PIK3R3: variants seen among roughly 807,000 people sequenced by gnomAD.
PIK3R3 encodes the protein phosphoinositide-3-kinase regulatory subunit 3.
In PIK3R3, 64 loss-of-function variants were observed where a neutral mutation model predicts 62.9. The observed-to-expected ratio is 1.02, with a 90% CI of 0.83 to 1.25. PIK3R3 has a LOEUF of 1.25. PIK3R3 is among the 50% of genes most tolerant of loss of function. The probability of loss-of-function intolerance (pLI) is 0.00; values close to 1 mark genes in which losing one functional copy is unlikely to be tolerated. For missense variants in PIK3R3, 614 were observed against 561.6 expected (o/e 1.09, Z -0.94); for synonymous variants, 165 against 189.0 (o/e 0.87, Z 1.04).
chr1:46,120,929 C>A (rs1654621872), intron 1 of PIK3R3, among the ~76,000 whole-genome samples: 1 of 152,174 alleles, frequency 6.6e-6, no homozygotes, highest in Non-Finnish European at 1.5e-5. Flanking sequence ...TATCCAAAAA[C>A]AGTGGCACAG....
At chr1:46,172,089 C>A in the PIK3R3 span, among the ~76,000 whole-genome samples, 39 of 152,280 alleles carry the variant, frequency 2.6e-4, no homozygotes, top group South Asian at 6.2e-4. Context: ...CTCAGGCCAT[C>A]ATCCTCCTCC....
At chr1:46,126,884 G>A (rs972233528) in intron 1 of PIK3R3, among the ~76,000 whole-genome samples, 6 of 152,028 alleles carry the variant, frequency 3.9e-5, no homozygotes, top group African/African-American at 9.7e-5. Context: ...TCCACTTAAA[G>A]AGAAGCCCTT....
intron 7 of PIK3R3, among the ~76,000 whole-genome samples, chr1:46,047,927 C>T (rs1439926998): frequency 2.0e-5 from 3 of 152,076 alleles, no homozygotes; most frequent in East Asian, 1.9e-4. Context: ...ACTACAGTCA[C>T]GCGCCACCAT....
At chr1:46,048,998 A>G (rs967064854) in intron 7 of PIK3R3, among the ~76,000 whole-genome samples, 22 of 152,226 alleles carry the variant, frequency 1.4e-4, no homozygotes, top group Admixed American at 5.9e-4. Flanking sequence ...TAAATTCTAC[A>G]GGAAAAATCT....
At position 46,132,387 on chromosome 1, in the gene PIK3R3, C is replaced by A; in HGVS notation, c.-435G>T. 8.9e-7 allele frequency: 1 copy of A among 1,125,698 alleles called. No homozygotes were observed. Among genetic ancestry groups the A allele is most frequent in the Non-Finnish European group, 1.1e-6 (1 of 910,536 alleles). The allele number at this position is 1,125,698 out of a possible 1,614,324, so 69.7% of individuals were successfully genotyped here. On this transcript the variant is annotated 5_prime_UTR_variant, in exon 1 of 10. Transcript: ENST00000262741. The stretch of plus-strand genomic sequence containing the variant: ...CGTTGGGAGAAACCCGGGCAAGTGA[C>A]AAAGGAAGGCAAAAAAGGGGGCTGG...
intron 3 of PIK3R3, among the ~76,000 whole-genome samples, chr1:46,071,724 T>TAA (rs1388342513): frequency 2.9e-5 from 1 of 35,024 alleles, no homozygotes; most frequent in Admixed American, 2.7e-4. Flanking sequence ...TATATATATA[T>TAA]ATATATAGAG....
intron 1 of PIK3R3, among the ~76,000 whole-genome samples, chr1:46,114,771 ATTTTTTTT>A (rs60059325): frequency 1.0e-5 from 1 of 99,302 alleles, no homozygotes; most frequent in African/African-American, 4.1e-5. Context: ...AGCCTCACTA[ATTTTTTTT>A]TTTTTTTTTT....
At chr1:46,075,007 G>A (rs983092903) in intron 3 of PIK3R3, among the ~76,000 whole-genome samples, 5 of 152,070 alleles carry the variant, frequency 3.3e-5, no homozygotes, top group African/African-American at 9.7e-5. Flanking sequence ...GCAGAGCTGG[G>A]GCCAGGAAAT....
chr1:46,067,105 G>C lies in PIK3R3; in HGVS notation c.315-14C>G, dbSNP rs1553147295. 3 of 1,518,996 alleles carry C rather than the reference G, an allele frequency of 2.0e-6. No homozygotes were observed. The highest frequency in any genetic ancestry group is 2.6e-5 in the South Asian group (2 of 76,074). 94.1% of individuals were successfully genotyped at this position (1,518,996 alleles called of 1,614,324 possible). On this transcript the variant is annotated splice_polypyrimidine_tract_variant and intron_variant, in intron 3 of 9. Transcript: ENST00000262741. ...TTGCCTCCCTTCCTGTGAACAACAAGACAACAACTGTGGATTTTTTTCCCC... is the reference window on the plus strand; with the variant it reads ...TTGCCTCCCTTCCTGTGAACAACAACACAACAACTGTGGATTTTTTTCCCC...
At chr1:46,118,554 CT>C (rs1291550266) in intron 1 of PIK3R3, among the ~76,000 whole-genome samples, 181 of 132,194 alleles carry the variant, frequency 1.4e-3, no homozygotes, top group Middle Eastern at 3.8e-3. Flanking sequence ...CATTACTTGT[CT>C]TTTTTTTTTT....
intron 2 of PIK3R3, among the ~76,000 whole-genome samples, chr1:46,078,235 T>C (rs1040378402): frequency 6.6e-6 from 1 of 152,188 alleles, no homozygotes; most frequent in African/African-American, 2.4e-5. Flanking sequence ...AGAAATATTC[T>C]AACCAATTTT....
At chr1:46,069,480 C>T (rs1010330922) in intron 3 of PIK3R3, among the ~76,000 whole-genome samples, 8 of 150,984 alleles carry the variant, frequency 5.3e-5, no homozygotes, top group African/African-American at 1.7e-4. Flanking sequence ...GATCACGCCA[C>T]TGCACTCCAG....
chr1:46,086,730 T>C (rs573166864), intron 1 of PIK3R3, among the ~76,000 whole-genome samples: 1 of 152,204 alleles, frequency 6.6e-6, no homozygotes, highest in East Asian at 1.9e-4. Flanking sequence ...CACACCACTG[T>C]ACTCTGGAAA....
At chr1:46,087,592 C>CTTTTTTTTT (rs35296719) in intron 1 of PIK3R3, among the ~76,000 whole-genome samples, 2 of 100,358 alleles carry the variant, frequency 2.0e-5, no homozygotes, top group Admixed American at 1.2e-4. Context: ...ACATATTCAT[C>CTTTTTTTTT]TTTTTTTTTT....
chr1:46,111,661 A>AT (rs1179409406), intron 1 of PIK3R3, among the ~76,000 whole-genome samples: 1 of 151,862 alleles, frequency 6.6e-6, no homozygotes, highest in African/African-American at 2.4e-5. Context: ...AGAGGCAGAG[A>AT]TTGCAGTGAG....
chr1:46,120,086 G>A (rs1356899803), intron 1 of PIK3R3, among the ~76,000 whole-genome samples: 1 of 152,114 alleles, frequency 6.6e-6, no homozygotes, highest in Non-Finnish European at 1.5e-5. Context: ...AATTTTAAGT[G>A]TATAGTTTTG....
At chr1:46,168,830 G>T in the PIK3R3 span, among the ~76,000 whole-genome samples, 1 of 152,156 alleles carries the variant, frequency 6.6e-6, no homozygotes, top group Admixed American at 6.5e-5. Context: ...AAGTGAAGAA[G>T]CCCCCTTTAC....
At chr1:46,131,799 T>C in intron 1 of PIK3R3, 48 bp downstream of exon 1, 2 of 1,568,358 alleles carry the variant, frequency 1.3e-6, no homozygotes, top group Non-Finnish European at 8.8e-7. Flanking sequence ...TCTTGGTAAA[T>C]ACAAATCAGA....
chr1:46,088,923 G>C (rs1651345975), intron 1 of PIK3R3, among the ~76,000 whole-genome samples: 1 of 151,758 alleles, frequency 6.6e-6, no homozygotes, highest in Non-Finnish European at 1.5e-5. Context: ...AATGTCTTTG[G>C]GTTGCTCAAC....
Sources: allele counts gnomAD v4.1 joint callset (sites outside exome capture counted in the v4.1 genomes callset), GRCh38; gene constraint gnomAD v4.1.1; transcripts MANE v1.5; gene names NCBI Gene and HGNC (gene_info 2026-07-23, HGNC 2026-07-21).